The following NXPH1 variants were observed in gnomAD, a reference collection of about 807,000 sequenced individuals.
The protein encoded by NXPH1 is neurexophilin-1.
In NXPH1, 5 loss-of-function variants were observed where a neutral mutation model predicts 23.7. That is an observed-to-expected ratio of 0.21 (90% CI 0.11 to 0.44). The LOEUF (loss-of-function observed/expected upper bound fraction) is 0.44. Among genes scored for constraint, NXPH1 ranks in the 20% least tolerant of loss-of-function variants. The probability of loss-of-function intolerance (pLI) is 0.99; values close to 1 mark genes in which losing one functional copy is unlikely to be tolerated. For missense variants in NXPH1, 324 were observed against 321.6 expected, an observed-to-expected ratio of 1.01 and a Z score of -0.06; for synonymous variants, 144 against 122.2, an observed-to-expected ratio of 1.18 and a Z score of -1.18.
intron 2 of NXPH1, among the ~76,000 whole-genome samples, chr7:8,673,331 T>C (rs1304664608): frequency 1.3e-5 from 2 of 152,202 alleles, no homozygotes; most frequent in Non-Finnish European, 2.9e-5. Context: ...GAATACTTTA[T>C]GAGAAAAGTA....
rs1816161027 is a variant in NXPH1 at position 8,434,857 on chromosome 7, A to T, written c.-111+102A>T. The T allele has an allele frequency of 6.6e-6, 1 of 152,344 alleles. No individual in the cohort carries two copies. The highest frequency in any genetic ancestry group is 2.4e-5 in the African/African-American group (1 of 41,442). The allele number at this position is 152,344 out of a possible 1,614,324, so 9.4% of individuals were successfully genotyped here. A position where few individuals can be genotyped will look rare whatever the true frequency, so the allele number is the denominator to read the frequency against. On this transcript the variant is annotated intron_variant, in intron 1 of 2. Coordinates refer to ENST00000405863, the MANE Select transcript of NXPH1 (RefSeq NM_152745.3). The surrounding 1 kb of genome is among the most constrained non-coding windows in gnomAD (Gnocchi z 7.6). ...GGGAGGGGCGCTGGTTAGGAAAGAG[A>T]ACAAGCCTGGCAGGTGACCCTCACA...
chr7:8,471,169 A>G (rs1212546009), intron 2 of NXPH1, among the ~76,000 whole-genome samples: 2 of 152,128 alleles, frequency 1.3e-5, no homozygotes, highest in Non-Finnish European at 2.9e-5. Flanking sequence ...GGAACTGCCG[A>G]GTTTAGCGTC....
intron 2 of NXPH1, among the ~76,000 whole-genome samples, chr7:8,487,952 G>A (rs7783332): frequency 0.6 from 91,423 of 152,028 alleles, 30,349 homozygotes; most frequent in African/African-American, 0.89. Flanking sequence ...ACGTATTAAA[G>A]AGTTAAATTA....
intron 2 of NXPH1, among the ~76,000 whole-genome samples, chr7:8,584,323 A>T (rs913179998): frequency 6.6e-6 from 1 of 152,148 alleles, no homozygotes; most frequent in Non-Finnish European, 1.5e-5. Flanking sequence ...CACCAATAAC[A>T]TTGTTCCCCA....
intron 2 of NXPH1, among the ~76,000 whole-genome samples, chr7:8,680,015 C>T (rs894491910): frequency 3.3e-5 from 5 of 152,236 alleles, no homozygotes; most frequent in Non-Finnish European, 5.9e-5. Context: ...AGCGAGACTA[C>T]GTCTCAAAAG....
intron 2 of NXPH1, among the ~76,000 whole-genome samples, chr7:8,465,402 T>C (rs1048357746): frequency 6.6e-5 from 10 of 152,164 alleles, no homozygotes; most frequent in African/African-American, 2.4e-4. Context: ...TTACCTTTTA[T>C]AAGGCCTCTC....
At chr7:8,564,873 G>C (rs1818512213) in intron 2 of NXPH1, among the ~76,000 whole-genome samples, 1 of 151,778 alleles carries the variant, frequency 6.6e-6, no homozygotes, top group Non-Finnish European at 1.5e-5. Flanking sequence ...AGGAGACATA[G>C]GATGATTTTG....
chr7:8,751,883 C>A lies in NXPH1; in HGVS notation c.*114C>A. 9.9e-7 allele frequency: 1 copy of A among 1,014,928 alleles called. No individual in the cohort carries two copies. Among genetic ancestry groups the A allele is most frequent in the Non-Finnish European group, 1.4e-6 (1 of 717,664 alleles). The allele number at this position is 1,014,928 out of a possible 1,614,324, so 62.9% of individuals were successfully genotyped here. On this transcript the variant is annotated 3_prime_UTR_variant, in exon 3 of 3. Coordinates refer to ENST00000405863, the MANE Select transcript of NXPH1 (RefSeq NM_152745.3). The surrounding 1 kb of genome is among the most constrained non-coding windows in gnomAD (Gnocchi z 4.5). The stretch of plus-strand genomic sequence containing the variant: ...CCTGGAATGTGTCTACACTGCTGCT[C>A]TTGTCAACTGGCTGCAAAATACACT...
At chr7:8,652,681 A>C (rs566040623) in intron 2 of NXPH1, among the ~76,000 whole-genome samples, 42 of 152,158 alleles carry the variant, frequency 2.8e-4, no homozygotes, top group Admixed American at 5.2e-4. Flanking sequence ...AGTAGCCTTG[A>C]ATTAATCTCT....
intron 2 of NXPH1, among the ~76,000 whole-genome samples, chr7:8,441,099 C>T (rs978699435): frequency 6.6e-6 from 1 of 152,148 alleles, no homozygotes; most frequent in African/African-American, 2.4e-5. Flanking sequence ...TCTTGGGCAA[C>T]CATTGTCCGT....
At chr7:8,683,127 T>C (rs1821084345) in intron 2 of NXPH1, among the ~76,000 whole-genome samples, 1 of 152,210 alleles carries the variant, frequency 6.6e-6, no homozygotes, top group African/African-American at 2.4e-5. Context: ...CAAGAAGCTT[T>C]TATCCAGGTC....
chr7:8,748,306 G>A (rs1218736018), intron 2 of NXPH1, among the ~76,000 whole-genome samples: 1 of 152,274 alleles, frequency 6.6e-6, no homozygotes, highest in African/African-American at 2.4e-5. Context: ...GGAAAGGAGA[G>A]ATACCAAAGC....
chr7:8,558,332 TAA>T (rs1425516151), intron 2 of NXPH1, among the ~76,000 whole-genome samples: 6 of 151,676 alleles, frequency 4.0e-5, no homozygotes. Context: ...AAGCGAGTTG[TAA>T]TTCTTCCAGA....
chr7:8,736,504 T>C (rs572448227), intron 2 of NXPH1, among the ~76,000 whole-genome samples: 5 of 152,348 alleles, frequency 3.3e-5, no homozygotes, highest in Admixed American at 3.3e-4. Context: ...CTGTTTGTTA[T>C]GATTTCTGTT....
intron 2 of NXPH1, among the ~76,000 whole-genome samples, chr7:8,726,114 C>G (rs928683873): frequency 2.6e-5 from 4 of 151,926 alleles, no homozygotes; most frequent in African/African-American, 9.7e-5. Flanking sequence ...ATTGGATAAG[C>G]TGTGTTATTA....
intron 2 of NXPH1, among the ~76,000 whole-genome samples, chr7:8,440,007 T>A (rs1328497683): frequency 6.6e-6 from 1 of 152,246 alleles, no homozygotes; most frequent in Non-Finnish European, 1.5e-5. Flanking sequence ...AAGTGTTCCC[T>A]ATTAAGGCTA....
At chr7:8,660,302 G>A (rs1315462594) in intron 2 of NXPH1, among the ~76,000 whole-genome samples, 1 of 152,176 alleles carries the variant, frequency 6.6e-6, no homozygotes, top group Non-Finnish European at 1.5e-5. Flanking sequence ...TTAATCAGGG[G>A]TGGTGAGAGG....
At chr7:8,669,215 C>T (rs116464152) in intron 2 of NXPH1, among the ~76,000 whole-genome samples, 63 of 152,234 alleles carry the variant, frequency 4.1e-4, no homozygotes, top group African/African-American at 1.1e-3. Flanking sequence ...ATGGAGCATG[C>T]GTCCATGGGT....
intron 2 of NXPH1, among the ~76,000 whole-genome samples, chr7:8,749,872 G>T (rs925355009): frequency 3.9e-5 from 6 of 152,110 alleles, no homozygotes; most frequent in African/African-American, 1.2e-4. Context: ...TTCCATGTCA[G>T]GATAAGAAGT....
Sources: allele counts gnomAD v4.1 joint callset (sites outside exome capture counted in the v4.1 genomes callset), GRCh38; gene constraint gnomAD v4.1.1; non-coding constraint Gnocchi (gnomAD v3.1); transcripts MANE v1.5; gene names NCBI Gene and HGNC (gene_info 2026-07-23, HGNC 2026-07-21).